PCNX4: variants seen among roughly 807,000 people sequenced by gnomAD.
PCNX4 encodes the protein pecanex-like protein 4.
A neutral mutation model predicts 107.2 loss-of-function variants in PCNX4; 103 were observed. That is an observed-to-expected ratio of 0.96 (90% CI 0.82 to 1.13). The LOEUF is 1.13. Ranked by LOEUF, PCNX4 falls within the 50% of genes most tolerant of loss-of-function variation. PCNX4 has a pLI of 0.00. For missense variants in PCNX4, 1,528 were observed against 1,379.4 expected (o/e 1.11, Z -1.71); for synonymous variants, 541 against 481.7 (o/e 1.12, Z -1.61).
chr14:60,132,854 G>A (rs546538678), intron 10 of PCNX4, among the ~76,000 whole-genome samples: 6 of 152,234 alleles, frequency 3.9e-5, no homozygotes, highest in East Asian at 1.9e-4. Flanking sequence ...GAAGTGCTCC[G>A]TATAATTAGT....
chr14:60,146,333 C>T lies in PCNX4; in HGVS notation c.*12112C>T, dbSNP rs1471059287. ...CTTCATATGGACATTTCTGGAAGTA[C>T]TACTACAGTGGGACTGAAATTCTCT... On this transcript the variant is annotated 3_prime_UTR_variant, in exon 11 of 11. Transcript: ENST00000406854. The surrounding 1 kb of genome is among the most constrained non-coding windows in gnomAD (Gnocchi z 4.9). 2 of 151,988 alleles carry T rather than the reference C, an allele frequency of 1.3e-5. No homozygotes were observed. Among genetic ancestry groups the T allele is most frequent in the African/African-American group, 4.8e-5 (2 of 41,384 alleles). 9.4% of individuals were successfully genotyped at this position (151,988 alleles called of 1,614,324 possible).
At chr14:60,118,751 T>C in intron 7 of PCNX4, 59 bp downstream of exon 7, 1 of 1,462,710 alleles carries the variant, frequency 6.8e-7, no homozygotes, top group South Asian at 1.6e-5. Flanking sequence ...TACAAAAAAA[T>C]AACAAACAGG....
chr14:60,103,547 A>G (rs1477043317), intron 1 of PCNX4, among the ~76,000 whole-genome samples: 1 of 152,140 alleles, frequency 6.6e-6, no homozygotes, highest in Non-Finnish European at 1.5e-5. Context: ...TCACCATATC[A>G]GTGTTCTCTC....
chr14:60,126,626 A>G (rs1191848642), intron 10 of PCNX4, among the ~76,000 whole-genome samples: 1 of 152,204 alleles, frequency 6.6e-6, no homozygotes, highest in East Asian at 1.9e-4. Flanking sequence ...ACAACCCAGA[A>G]CGTAGGCTCT....
intron 10 of PCNX4, among the ~76,000 whole-genome samples, chr14:60,127,526 T>C (rs772952762): frequency 7.2e-5 from 11 of 152,172 alleles, no homozygotes; most frequent in Admixed American, 3.9e-4. Context: ...TGAGAGGTCA[T>C]ATCTGAGACT....
intron 8 of PCNX4, among the ~76,000 whole-genome samples, chr14:60,123,564 A>G (rs546145721): frequency 7.2e-4 from 109 of 152,240 alleles, no homozygotes; most frequent in African/African-American, 2.4e-3. Context: ...CCTCCTTTTC[A>G]AGTGATTCCT....
chr14:60,138,182 A>G lies in PCNX4; in HGVS notation c.*3961A>G, dbSNP rs561971662. On this transcript the variant is annotated 3_prime_UTR_variant, in exon 11 of 11. Transcript: ENST00000406854. Reference sequence around the variant, plus strand: ...GAATTAGTGAACTAGAAGTTATGTCAGAAGTAAATACCAGATGTGAAAAAC... The same window carrying G: ...GAATTAGTGAACTAGAAGTTATGTCGGAAGTAAATACCAGATGTGAAAAAC... 6.6e-6 allele frequency: 1 copy of G among 152,322 alleles called. No homozygotes were observed. The highest frequency in any genetic ancestry group is 1.5e-5 in the Non-Finnish European group (1 of 68,026). 9.4% of individuals were successfully genotyped at this position (152,322 alleles called of 1,614,324 possible). A position where few individuals can be genotyped will look rare whatever the true frequency, so the allele number is the denominator to read the frequency against.
chr14:60,106,494 G>A lies in PCNX4; in HGVS notation c.-53-1092G>A, dbSNP rs74650498. On this transcript the variant is annotated intron_variant, in intron 1 of 10. Coordinates refer to ENST00000406854, the MANE Select transcript of PCNX4 (RefSeq NM_001330177.2). The stretch of plus-strand genomic sequence containing the variant: ...TGAATGCAGAACCCACAGACACGGA[G>A]GGCCAGCTGTACTTGCAGGGCTGTC... Among the ~76,000 whole-genome samples, 502 of 152,290 alleles carry A rather than the reference G, an allele frequency of 3.3e-3. 16 individuals carry two copies. The East Asian group carries it at 0.055, about 17-fold the overall frequency.
intron 2 of PCNX4, chr14:60,109,400 G>A (rs567325271): frequency 6.0e-6 from 1 of 167,252 alleles, no homozygotes; most frequent in Non-Finnish European, 1.5e-5. Flanking sequence ...TGTAACTGTT[G>A]GTAATGGGTA....
At chr14:60,132,519 A>AC (rs1386348142) in intron 10 of PCNX4, among the ~76,000 whole-genome samples, 1 of 152,196 alleles carries the variant, frequency 6.6e-6, no homozygotes, top group African/African-American at 2.4e-5. Context: ...AAGGAAACAT[A>AC]AGGGTAAATC....
chr14:60,134,022 G>C lies in PCNX4; in HGVS notation c.3320G>C (p.Gly1107Ala), dbSNP rs370908984. 2 of 1,613,490 alleles carry C rather than the reference G, an allele frequency of 1.2e-6. No homozygotes were observed. The highest frequency in any genetic ancestry group is 1.7e-6 in the Non-Finnish European group (2 of 1,179,684). The stretch of plus-strand genomic sequence containing the variant: ...CTTCAAGAATTATTGATCCAAGTGG[G>C]AAAGTTAAATCCTGAAGCTGTTAGA... ...LSLQELLIQV[G>A]KLNPEAVRGQ... The change falls in exon 11 of 11, where the codon GGA becomes GCA. Residue 1107 changes from glycine (G) to alanine (A), a missense_variant. Gly to Ala is a moderately conservative substitution (Grantham distance 60). Transcript: ENST00000406854.
At position 60,143,245 on chromosome 14, in the gene PCNX4, A is replaced by G. The variant is rs1164648800; in HGVS notation, c.*9024A>G. ...GGGCTTCCACATGATTCTATCTGCA[A>G]ATCTCCCTTTTCTGAACTATTATGC... On this transcript the variant is annotated 3_prime_UTR_variant, in exon 11 of 11. Transcript: ENST00000406854. 1.3e-5 allele frequency: 2 copies of G among 152,308 alleles called. No individual in the cohort carries two copies. The highest frequency in any genetic ancestry group is 2.1e-4 in the South Asian group (1 of 4,820). The allele number at this position is 152,308 out of a possible 1,614,324, so 9.4% of individuals were successfully genotyped here. A position where few individuals can be genotyped will look rare whatever the true frequency, so the allele number is the denominator to read the frequency against.
chr14:60,132,901 A>G (rs979712298), intron 10 of PCNX4, among the ~76,000 whole-genome samples: 7 of 152,180 alleles, frequency 4.6e-5, no homozygotes, highest in Non-Finnish European at 8.8e-5. Context: ...CAATAAAATA[A>G]CACTTCACAC....
At chr14:60,132,147 C>T (rs1896166273) in intron 10 of PCNX4, among the ~76,000 whole-genome samples, 1 of 152,218 alleles carries the variant, frequency 6.6e-6, no homozygotes, top group Non-Finnish European at 1.5e-5. Flanking sequence ...GAAAGAATCT[C>T]TCCTGGCCTC....
In PCNX4 at chr14:60,140,830, A is replaced by T. The variant is rs930282030; in HGVS notation, c.*6609A>T. ...TTTAATATTCATCTTTATTTTTCTT[A>T]TCTTGAGTATGCACATAAGATGTTC... is the stretch of plus-strand genomic sequence containing the variant. On this transcript the variant is annotated 3_prime_UTR_variant, in exon 11 of 11. Coordinates refer to ENST00000406854, the MANE Select transcript of PCNX4 (RefSeq NM_001330177.2). This position sits in a 1 kb window ranked among gnomAD's most constrained non-coding sequence, Gnocchi z 4.2. The T allele has an allele frequency of 6.6e-6, 1 of 152,202 alleles. No individual in the cohort carries two copies. Among genetic ancestry groups the T allele is most frequent in the African/African-American group, 2.4e-5 (1 of 41,454 alleles). The allele number at this position is 152,202 out of a possible 1,614,324, so 9.4% of individuals were successfully genotyped here.
intron 10 of PCNX4, among the ~76,000 whole-genome samples, chr14:60,129,873 A>G (rs1302137307): frequency 6.6e-6 from 1 of 152,224 alleles, no homozygotes; most frequent in African/African-American, 2.4e-5. Flanking sequence ...AGAAATTTAA[A>G]TGGCATATTA....
At chr14:60,112,572 A>G (rs1039659078) in intron 2 of PCNX4, among the ~76,000 whole-genome samples, 1 of 152,296 alleles carries the variant, frequency 6.6e-6, no homozygotes, top group East Asian at 1.9e-4. Flanking sequence ...TTACTTTGCC[A>G]TTGCTTATTG....
rs537313148 is a variant in PCNX4, at chr14:60,138,588, T to C, written c.*4367T>C. 2.0e-5 allele frequency: 3 copies of C among 152,300 alleles called. No homozygotes were observed. The East Asian group carries it at 5.8e-4, about 29-fold the overall frequency. 9.4% of individuals were successfully genotyped at this position (152,300 alleles called of 1,614,324 possible). A position where few individuals can be genotyped will look rare whatever the true frequency, so the allele number is the denominator to read the frequency against. On this transcript the variant is annotated 3_prime_UTR_variant, in exon 11 of 11. Coordinates refer to ENST00000406854, the MANE Select transcript of PCNX4 (RefSeq NM_001330177.2). ...CAATGGCATGATATTTTCAGGTTAC[T>C]GAAAGAAAATATCTGCAATTTTAGA...
chr14:60,101,574 A>G (rs1895533228), intron 1 of PCNX4, among the ~76,000 whole-genome samples: 1 of 152,328 alleles, frequency 6.6e-6, no homozygotes, highest in African/African-American at 2.4e-5. Flanking sequence ...GATGACTACT[A>G]TCAAAAAAAC....
Sources: gnomAD v4.1 joint callset for allele counts (sites outside exome capture counted in the v4.1 genomes callset) on GRCh38, gnomAD v4.1.1 for gene constraint, Gnocchi (gnomAD v3.1) non-coding constraint, MANE v1.5 for transcripts, NCBI Gene and HGNC (gene_info 2026-07-23, HGNC 2026-07-21) for gene names.